The following GDAP1 variants were observed in gnomAD, a reference collection of about 807,000 sequenced individuals.
GDAP1 encodes ganglioside-induced differentiation-associated protein 1.
Under a neutral mutation model 40.1 loss-of-function variants are expected in GDAP1, and 34 were observed. The observed-to-expected ratio is 0.85, with a 90% confidence interval of 0.64 to 1.13. GDAP1 has a LOEUF of 1.13. GDAP1 is among the 50% of genes most tolerant of loss of function. The probability of loss-of-function intolerance (pLI) is 0.00; values close to 1 mark genes in which losing one functional copy is unlikely to be tolerated. For synonymous variants in GDAP1, 170 were observed against 157.4 expected (o/e 1.08, Z -0.60); for missense variants, 374 against 433.7 (o/e 0.86, Z 1.22).
rs1809626640 is a variant in GDAP1, at chr8:74,366,197, AC to A, written c.*1831del. The A allele has an allele frequency of 2.2e-6, 1 of 454,118 alleles. No individual in the cohort carries two copies. The highest frequency in any genetic ancestry group is 2.0e-5 in the African/African-American group (1 of 50,124). 28.1% of individuals were successfully genotyped at this position (454,118 alleles called of 1,614,324 possible). ...TTCCTTGTACAGTTTCTTTGGAAAT[AC>A]GTTAAAGATAGTGGCAATTTCATAT... On this transcript the variant is annotated 3_prime_UTR_variant, in exon 6 of 6. Coordinates refer to ENST00000220822, the MANE Select transcript of GDAP1 (RefSeq NM_018972.4).
At position 74,362,395 on chromosome 8, in the gene GDAP1, A is replaced by G. The variant is rs16938894; in HGVS notation, c.579+417A>G. ...GTTGATTCCTTCCCCGGGCCCAGCA[A>G]CTATTGCAAGCTTCTCTCATATTAA... On this transcript the variant is annotated intron_variant, in intron 4 of 5. Coordinates refer to ENST00000220822, the MANE Select transcript of GDAP1 (RefSeq NM_018972.4). Among the ~76,000 whole-genome samples, 28,562 of 151,952 alleles carry G rather than the reference A, an allele frequency of 0.19. 2,957 individuals carry two copies. Among genetic ancestry groups the G allele is most frequent in the Admixed American group, 0.31 (4,765 of 15,250 alleles).
chr8:74,418,730 A>C (rs954510889), intron 2 of GDAP1, among the ~76,000 whole-genome samples: 20 of 152,338 alleles, frequency 1.3e-4, no homozygotes, highest in Admixed American at 2.6e-4. Flanking sequence ...TTAAGTGTTA[A>C]GACAAGGAAA....
intron 2 of GDAP1, among the ~76,000 whole-genome samples, chr8:74,481,017 A>G (rs1382964243): frequency 2.6e-5 from 4 of 152,226 alleles, no homozygotes; most frequent in African/African-American, 4.8e-5. Flanking sequence ...AGTACTTACA[A>G]TGTATCCTGA....
intron 2 of GDAP1, among the ~76,000 whole-genome samples, chr8:74,383,509 ATC>A (rs1809984508): frequency 6.6e-6 from 1 of 152,168 alleles, no homozygotes; most frequent in African/African-American, 2.4e-5. Context: ...AGATTTAATA[ATC>A]TGTTTTTCAG....
chr8:74,443,405 TA>T (rs947757383), intron 2 of GDAP1, among the ~76,000 whole-genome samples: 2 of 152,060 alleles, frequency 1.3e-5, no homozygotes, highest in African/African-American at 4.8e-5. Context: ...GATAGGCAGT[TA>T]AAAAAAACTT....
At chr8:74,477,907 T>C (rs1806652065) in intron 2 of GDAP1, among the ~76,000 whole-genome samples, 1 of 152,094 alleles carries the variant, frequency 6.6e-6, no homozygotes, top group Admixed American at 6.5e-5. Flanking sequence ...GGTGGTGCTG[T>C]CCCCTTCACC....
Position 74,430,509 on chromosome 8 carries a change from A to C in GDAP1, c.166-58169A>C, listed in dbSNP as rs150780408. Among the ~76,000 whole-genome samples the C allele has an allele frequency of 3.2e-3, 491 of 152,316 alleles. 2 individuals carry two copies. Among genetic ancestry groups the C allele is most frequent in the African/African-American group, 0.01 (434 of 41,576 alleles). ...ATTGCCCACTGGAATAAAGCAATGT[A>C]GAGTAAAGTGTATACAGTATTTATT... On this transcript the variant is annotated intron_variant, in intron 2 of 2. Coordinates refer to the GDAP1 transcript ENST00000523640.
rs1806709262 is a variant in GDAP1 at position 74,481,388 on chromosome 8, A to G, written c.166-7290A>G. 3.3e-5 allele frequency among the ~76,000 whole-genome samples: 5 copies of G among 152,210 alleles called. No homozygotes were observed. In the South Asian group the frequency reaches 1.0e-3, roughly 32 times the overall value. On this transcript the variant is annotated intron_variant, in intron 2 of 2. Coordinates refer to the GDAP1 transcript ENST00000523640. ...ATTTGGTTACTAGTATATAGACAAT[A>G]TATCATTCCTGACATTGTAGTCCTA...
intron 2 of GDAP1, among the ~76,000 whole-genome samples, chr8:74,468,895 C>T (rs1311724023): frequency 6.6e-6 from 1 of 152,094 alleles, no homozygotes; most frequent in Non-Finnish European, 1.5e-5. Flanking sequence ...AGTGGGAATT[C>T]CTCAGTTATG....
At chr8:74,367,542 A>T (rs1240078483), downstream of GDAP1, among the ~76,000 whole-genome samples, 1 of 152,216 alleles carries the variant, frequency 6.6e-6, no homozygotes, top group Non-Finnish European at 1.5e-5. Context: ...ACAGTATGGT[A>T]AAGACATGAA....
chr8:74,364,817 A>T lies in GDAP1; in HGVS notation c.*450A>T, dbSNP rs749109668. 4.4e-6 allele frequency: 2 copies of T among 455,332 alleles called. No individual in the cohort carries two copies. Among genetic ancestry groups the T allele is most frequent in the Non-Finnish European group, 8.8e-6 (2 of 227,654 alleles). 28.2% of individuals were successfully genotyped at this position (455,332 alleles called of 1,614,324 possible). On this transcript the variant is annotated 3_prime_UTR_variant, in exon 6 of 6. Coordinates refer to ENST00000220822, the MANE Select transcript of GDAP1 (RefSeq NM_018972.4). ...AGAGAACCCCAGGCTTTATATGTATACTTTGACCTCAGTGTTAATTTTAAA... is the reference window on the plus strand; with the variant it reads ...AGAGAACCCCAGGCTTTATATGTATTCTTTGACCTCAGTGTTAATTTTAAA...
intron 2 of GDAP1, among the ~76,000 whole-genome samples, chr8:74,374,357 G>C (rs532748231): frequency 1.3e-5 from 2 of 152,158 alleles, no homozygotes; most frequent in Admixed American, 1.3e-4. Flanking sequence ...TGTACCTCCG[G>C]TAGAATGGGA....
At chr8:74,388,952 T>C (rs1810066664) in intron 2 of GDAP1, among the ~76,000 whole-genome samples, 1 of 152,224 alleles carries the variant, frequency 6.6e-6, no homozygotes, top group Non-Finnish European at 1.5e-5. Flanking sequence ...TTTGTCTTTT[T>C]TGATCTTTGT....
chr8:74,398,598 G>A (rs998066703), intron 2 of GDAP1, among the ~76,000 whole-genome samples: 18 of 152,202 alleles, frequency 1.2e-4, no homozygotes, highest in African/African-American at 4.3e-4. Flanking sequence ...GAATAGGAGT[G>A]GTGAGAGAGG....
chr8:74,361,447 C>T (rs893927242), intron 3 of GDAP1, among the ~76,000 whole-genome samples: 1 of 151,722 alleles, frequency 6.6e-6, no homozygotes, highest in South Asian at 2.1e-4. Flanking sequence ...TCCATGCTGG[C>T]GTGCAGTGGC....
chr8:74,448,075 CT>C (rs1363702163), intron 2 of GDAP1, among the ~76,000 whole-genome samples: 2 of 152,068 alleles, frequency 1.3e-5, no homozygotes, highest in African/African-American at 4.8e-5. Flanking sequence ...GATTTATTTT[CT>C]TTTTTGAATT....
downstream of GDAP1, among the ~76,000 whole-genome samples, chr8:74,369,778 G>A (rs943972698): frequency 2.7e-5 from 4 of 147,416 alleles, no homozygotes; most frequent in African/African-American, 7.6e-5. Context: ...TTGTCAGACC[G>A]CTGAAAACAA....
In GDAP1 at chr8:74,364,985, C is replaced by T. The variant is rs886063106; in HGVS notation, c.*618C>T. On this transcript the variant is annotated 3_prime_UTR_variant, in exon 6 of 6. Transcript: ENST00000220822. ...TGATTCCTTACCATTTCAGATGGTCCGCAATTTGAATTACCAAGTGGTAAT... is the reference window on the plus strand; with the variant it reads ...TGATTCCTTACCATTTCAGATGGTCTGCAATTTGAATTACCAAGTGGTAAT... The T allele has an allele frequency of 7.9e-5, 36 of 453,858 alleles. No individual in the cohort carries two copies. The highest frequency in any genetic ancestry group is 6.9e-4 in the East Asian group (10 of 14,398). The allele number at this position is 453,858 out of a possible 1,614,324, so 28.1% of individuals were successfully genotyped here.
chr8:74,374,908 A>G lies in GDAP1; in HGVS notation c.165+23587A>G, dbSNP rs183870091. ...CTAAATGGTTTTATTAGTAAATTCTATCATGTATGAAGTGAGAAATAATGC... is the reference window on the plus strand; with the variant it reads ...CTAAATGGTTTTATTAGTAAATTCTGTCATGTATGAAGTGAGAAATAATGC... On this transcript the variant is annotated intron_variant, in intron 2 of 2. Transcript: ENST00000523640. Among the ~76,000 whole-genome samples the G allele has an allele frequency of 4.1e-3, 629 of 152,360 alleles. 3 individuals carry two copies. The highest frequency in any genetic ancestry group is 7.5e-3 in the Non-Finnish European group (513 of 68,020).
Sources: gnomAD v4.1 joint callset for allele counts (sites outside exome capture counted in the v4.1 genomes callset) on GRCh38, gnomAD v4.1.1 for gene constraint, MANE v1.5 for transcripts, NCBI Gene and HGNC (gene_info 2026-07-23, HGNC 2026-07-21) for gene names.